Variants in GUCY1A2 observed in about 807,000 individuals in gnomAD.
The protein encoded by GUCY1A2 is guanylate cyclase soluble subunit alpha-2.
A neutral mutation model predicts 63.5 loss-of-function variants in GUCY1A2; 27 were observed. The ratio of observed to expected loss-of-function variants is 0.43; its 90% CI spans 0.31 to 0.59. The LOEUF is 0.59. Among genes scored for constraint, GUCY1A2 ranks in the 20% least tolerant of loss-of-function variants. The probability of loss-of-function intolerance (pLI) is 0.11; values close to 1 mark genes in which losing one functional copy is unlikely to be tolerated. For missense variants in GUCY1A2, 768 were observed against 913.3 expected (o/e 0.84, Z 2.05); for synonymous variants, 364 against 343.5 (o/e 1.06, Z -0.66).
At chr11:106,849,040 A>G (rs1859316221) in intron 4 of GUCY1A2, among the ~76,000 whole-genome samples, 1 of 151,616 alleles carries the variant, frequency 6.6e-6, no homozygotes, top group Non-Finnish European at 1.5e-5. Context: ...GCCCTGTAAG[A>G]TTGTATAGAG....
At chr11:106,752,069 C>A (rs1863890864) in intron 6 of GUCY1A2, among the ~76,000 whole-genome samples, 1 of 152,034 alleles carries the variant, frequency 6.6e-6, no homozygotes, top group Non-Finnish European at 1.5e-5. Flanking sequence ...TGTTAAATAC[C>A]AACAGTAAAT....
intron 4 of GUCY1A2, among the ~76,000 whole-genome samples, chr11:106,887,204 T>C (rs191928787): frequency 2.0e-5 from 3 of 152,220 alleles, no homozygotes; most frequent in Admixed American, 6.5e-5. Flanking sequence ...ATTTCTATTA[T>C]AATCATCGAG....
intron 4 of GUCY1A2, among the ~76,000 whole-genome samples, chr11:106,814,440 T>C (rs1246250328): frequency 6.6e-6 from 1 of 152,070 alleles, no homozygotes; most frequent in Non-Finnish European, 1.5e-5. Context: ...TCTGAGAAGC[T>C]TCCATGTTCT....
chr11:106,902,349 T>A (rs1447830632), intron 4 of GUCY1A2, among the ~76,000 whole-genome samples: 1 of 152,224 alleles, frequency 6.6e-6, no homozygotes, highest in Non-Finnish European at 1.5e-5. Context: ...GCATTCTTTT[T>A]AAGAACCCAA....
intron 3 of GUCY1A2, among the ~76,000 whole-genome samples, chr11:106,962,245 T>C (rs926265419): frequency 1.4e-4 from 22 of 152,136 alleles, no homozygotes; most frequent in African/African-American, 4.6e-4. Context: ...ATGAGGTCCA[T>C]GACAGCATGA....
At chr11:106,816,223 T>C (rs996041664) in intron 4 of GUCY1A2, among the ~76,000 whole-genome samples, 1 of 93,896 alleles carries the variant, frequency 1.1e-5, no homozygotes, top group Non-Finnish European at 2.3e-5. Flanking sequence ...ACCGACCAAA[T>C]CCTAGGCCAT....
intron 6 of GUCY1A2, among the ~76,000 whole-genome samples, chr11:106,714,033 AAAAC>A (rs199947785): frequency 7.2e-5 from 11 of 151,824 alleles, no homozygotes; most frequent in East Asian, 2.0e-4. Flanking sequence ...TTAAAAAAAA[AAAAC>A]AAACTCCATA....
intron 7 of GUCY1A2, among the ~76,000 whole-genome samples, chr11:106,690,113 G>C (rs765714425): frequency 1.3e-5 from 2 of 152,166 alleles, no homozygotes; most frequent in Non-Finnish European, 2.9e-5. Flanking sequence ...ACAGTGTGGA[G>C]ATTCCTCAAA....
chr11:106,876,084 G>T (rs963670829), intron 4 of GUCY1A2, among the ~76,000 whole-genome samples: 16 of 152,012 alleles, frequency 1.1e-4, no homozygotes, highest in Non-Finnish European at 2.1e-4. Flanking sequence ...TCTGATGTCA[G>T]TATCTTCCCC....
rs1862345159 is a variant in GUCY1A2, at chr11:106,676,326, AT to A, written c.*11222del. On this transcript the variant is annotated 3_prime_UTR_variant, in exon 8 of 8. Coordinates refer to ENST00000526355, the MANE Select transcript of GUCY1A2 (RefSeq NM_000855.3). ...GAAATGATTTAATTTTCCCTGAAAA[AT>A]AATGGCTTTGGATTGAGATTTGTAA... 1 of 185,296 alleles carries A rather than the reference AT, an allele frequency of 5.4e-6. No individual in the cohort carries two copies. The highest frequency in any genetic ancestry group is 2.0e-4 in the South Asian group (1 of 5,094). The allele number at this position is 185,296 out of a possible 1,614,324, so 11.5% of individuals were successfully genotyped here. A position where few individuals can be genotyped will look rare whatever the true frequency, so the allele number is the denominator to read the frequency against.
At chr11:106,844,745 A>G (rs770057899) in intron 4 of GUCY1A2, among the ~76,000 whole-genome samples, 2 of 151,710 alleles carry the variant, frequency 1.3e-5, no homozygotes, top group African/African-American at 4.8e-5. Context: ...GTTTTGTTTA[A>G]TATCTTGCCA....
intron 4 of GUCY1A2, among the ~76,000 whole-genome samples, chr11:106,878,607 C>T (rs973639308): frequency 6.6e-6 from 1 of 151,652 alleles, no homozygotes; most frequent in Non-Finnish European, 1.5e-5. Context: ...ATGGGAACAC[C>T]AAACACTGGG....
At chr11:106,955,947 T>C (rs917473460) in intron 3 of GUCY1A2, among the ~76,000 whole-genome samples, 2 of 152,096 alleles carry the variant, frequency 1.3e-5, no homozygotes, top group Admixed American at 1.3e-4. Context: ...CAATCGCAGA[T>C]TCTGTCCTTT....
At chr11:106,773,402 A>C (rs567670681) in intron 6 of GUCY1A2, among the ~76,000 whole-genome samples, 1 of 152,164 alleles carries the variant, frequency 6.6e-6, no homozygotes, top group Admixed American at 6.5e-5. Flanking sequence ...CCAAGGTATA[A>C]ATATAACACA....
chr11:106,992,356 G>C (rs924945644), intron 1 of GUCY1A2, among the ~76,000 whole-genome samples: 2 of 130,832 alleles, frequency 1.5e-5, no homozygotes, highest in African/African-American at 2.9e-5. Flanking sequence ...TTGATACCGA[G>C]TCTCGCTCTG....
At chr11:106,855,256 A>C (rs1859413382) in intron 4 of GUCY1A2, among the ~76,000 whole-genome samples, 1 of 152,072 alleles carries the variant, frequency 6.6e-6, no homozygotes, top group South Asian at 2.1e-4. Flanking sequence ...GGCTAGTATT[A>C]CCAGCATCTG....
intron 4 of GUCY1A2, among the ~76,000 whole-genome samples, chr11:106,898,897 A>C (rs1480117174): frequency 6.6e-6 from 1 of 152,172 alleles, no homozygotes; most frequent in Admixed American, 6.5e-5. Context: ...ATTGTAACAA[A>C]TGTATCACTC....
intron 4 of GUCY1A2, among the ~76,000 whole-genome samples, chr11:106,890,973 A>G (rs962245348): frequency 1.3e-5 from 2 of 152,146 alleles, no homozygotes; most frequent in Non-Finnish European, 2.9e-5. Flanking sequence ...CATTTTACCT[A>G]TTTCCCTTCA....
chr11:106,889,796 T>G (rs1287568586), intron 4 of GUCY1A2, among the ~76,000 whole-genome samples: 1 of 152,196 alleles, frequency 6.6e-6, no homozygotes, highest in Non-Finnish European at 1.5e-5. Context: ...AACTGAAGCC[T>G]ATATTACAAC....
Sources: gnomAD v4.1 joint callset for allele counts (sites outside exome capture counted in the v4.1 genomes callset) on GRCh38, gnomAD v4.1.1 for gene constraint, MANE v1.5 for transcripts, NCBI Gene and HGNC (gene_info 2026-07-23, HGNC 2026-07-21) for gene names.